The following PDXDC1 variants were observed in gnomAD, a reference collection of about 807,000 sequenced individuals.
PDXDC1 encodes the protein pyridoxal-dependent decarboxylase domain-containing protein 1.
A neutral mutation model predicts 100.1 loss-of-function variants in PDXDC1; 42 were observed. The observed-to-expected ratio is 0.42, with a 90% CI of 0.33 to 0.54. PDXDC1 has a LOEUF of 0.54. Among genes scored for constraint, PDXDC1 ranks in the 20% least tolerant of loss-of-function variants. The pLI, the probability that PDXDC1 is intolerant of heterozygous loss-of-function variation, is 0.10. For missense variants in PDXDC1, 636 were observed against 979.2 expected (o/e 0.65, Z 4.68); for synonymous variants, 260 against 371.7 (o/e 0.70, Z 3.46).
chr16:15,039,826 T>C (rs764595650), downstream of PDXDC1: 274 of 627,052 alleles, frequency 4.4e-4, no homozygotes, highest in Admixed American at 6.7e-4. Context: ...TGGGGAGGGG[T>C]ATATGTATGT....
In PDXDC1 at chr16:15,036,190, C is replaced by G. The variant is rs150037386; in HGVS notation, c.2282C>G (p.Thr761Ser). ...CCAGGGGCTCCCAGCCCTCAGCACA[C>G]CGACCAGACCGAGGCCTTCCAGAAA... ...GHPGAPSPQH[T>S]DQTEAFQKGV... The change falls in exon 23 of 23, where the codon ACC (threonine) becomes AGC (serine). Residue 761 changes from threonine to serine, a missense_variant. By Grantham distance (58) the Thr-to-Ser change is moderately conservative (BLOSUM62 1). Coordinates refer to ENST00000396410, the MANE Select transcript of PDXDC1 (RefSeq NM_015027.4). The G allele has an allele frequency of 6.2e-7, 1 of 1,614,010 alleles. No homozygotes were observed. Among genetic ancestry groups the G allele is most frequent in the African/African-American group, 1.3e-5 (1 of 74,914 alleles).
At chr16:15,137,744 C>T (rs1018689220) in intron 16 of PDXDC1, 29 of 1,433,456 alleles carry the variant, frequency 2.0e-5, no homozygotes, top group African/African-American at 2.0e-4. Flanking sequence ...CCCCACCCAC[C>T]GGCACTCACC....
At chr16:15,056,049 G>A (rs943079880) in intron 16 of PDXDC1, 3 of 571,344 alleles carry the variant, frequency 5.3e-6, no homozygotes, top group African/African-American at 4.0e-5. Context: ...CGCCGCCCCC[G>A]CCCCTCGGGC....
In PDXDC1 at chr16:15,048,831, C is replaced by T. The variant is rs576175156; in HGVS notation, c.1399+18775C>T. 5.3e-5 allele frequency among the ~76,000 whole-genome samples: 8 copies of T among 151,116 alleles called. No homozygotes were observed. In the South Asian group the frequency reaches 1.7e-3, roughly 32 times the overall value. ...TAGCGACGGGGTCTCCCTATGCTCC[C>T]CAGGCTGGTCTCAAACTCCTGGGCT... On this transcript the variant is annotated intron_variant, in intron 16 of 16. Coordinates refer to the PDXDC1 transcript ENST00000535621.
chr16:14,989,377 C>G, intron 1 of PDXDC1: 1 of 1,610,492 alleles, frequency 6.2e-7, no homozygotes, highest in Non-Finnish European at 8.5e-7. Context: ...GCCACCACCA[C>G]CAGGTGCACC....
At chr16:15,149,319 T>G in the PDXDC1 span, among the ~76,000 whole-genome samples, 1 of 152,174 alleles carries the variant, frequency 6.6e-6, no homozygotes, top group Non-Finnish European at 1.5e-5. Flanking sequence ...GCGTGTTTGT[T>G]GAACGCGGGC....
chr16:15,022,525 A>G (rs1223666242), intron 12 of PDXDC1, among the ~76,000 whole-genome samples, 179 bp from the exon 13 acceptor site: 5 of 152,296 alleles, frequency 3.3e-5, no homozygotes, highest in Non-Finnish European at 5.9e-5. Context: ...AACTTGAAGG[A>G]TTGGTGAATA....
chr16:15,042,415 C>T (rs1414982999), downstream of PDXDC1, among the ~76,000 whole-genome samples: 3 of 152,014 alleles, frequency 2.0e-5, no homozygotes, highest in East Asian at 1.9e-4. Flanking sequence ...GTCTCGAACT[C>T]GTGACCTAAA....
At chr16:15,130,527 C>A (rs2047995803) in intron 16 of PDXDC1, 12 of 1,323,498 alleles carry the variant, frequency 9.1e-6, no homozygotes, top group Non-Finnish European at 1.2e-5. Context: ...AGAGCCCATA[C>A]CCGGTCCAGT....
intron 1 of PDXDC1, among the ~76,000 whole-genome samples, chr16:14,980,023 T>A (rs1344848737): frequency 6.6e-6 from 1 of 152,300 alleles, no homozygotes; most frequent in Non-Finnish European, 1.5e-5. Flanking sequence ...TGCATACAGA[T>A]GCATGGTGGC....
intron 16 of PDXDC1, among the ~76,000 whole-genome samples, chr16:15,114,245 C>CT (rs2047163540): frequency 6.9e-6 from 1 of 144,434 alleles, no homozygotes; most frequent in African/African-American, 2.5e-5. Context: ...TGTTGACATT[C>CT]TATTAAACAC....
At chr16:15,146,076 C>T in the PDXDC1 span, among the ~76,000 whole-genome samples, 2 of 152,170 alleles carry the variant, frequency 1.3e-5, no homozygotes, top group Non-Finnish European at 1.5e-5. Context: ...GAGGGGCTTG[C>T]AGATGCGGGA....
At chr16:15,022,129 C>G (rs552272721) in intron 12 of PDXDC1, among the ~76,000 whole-genome samples, 14 of 152,412 alleles carry the variant, frequency 9.2e-5, no homozygotes, top group Admixed American at 4.6e-4. Flanking sequence ...AGACATTAGT[C>G]TAATGACACT....
At chr16:15,027,038 AAAGAATGACCC>A (rs1427887426) in intron 14 of PDXDC1, among the ~76,000 whole-genome samples, 1 of 150,672 alleles carries the variant, frequency 6.6e-6, no homozygotes, top group Admixed American at 6.7e-5. Flanking sequence ...TCTGTATCTT[AAAGAATGACCC>A]AAGTGCCACC....
At chr16:15,102,448 C>A (rs1163615681) in intron 16 of PDXDC1, among the ~76,000 whole-genome samples, 7 of 150,456 alleles carry the variant, frequency 4.7e-5, no homozygotes, top group Non-Finnish European at 8.9e-5. Flanking sequence ...TTGCCCCAGG[C>A]AGAGGGTACA....
intron 1 of PDXDC1, among the ~76,000 whole-genome samples, chr16:14,985,689 C>T (rs1051109471): frequency 1.3e-5 from 2 of 152,292 alleles, no homozygotes; most frequent in Admixed American, 6.5e-5. Context: ...TTTCCTCCAA[C>T]ATTTAAATTG....
At chr16:15,076,386 A>C (rs1250965101) in intron 16 of PDXDC1, 1 of 634,846 alleles carries the variant, frequency 1.6e-6, no homozygotes, top group Non-Finnish European at 2.9e-6. Context: ...TAGACCAACT[A>C]TGCTAAGTGC....
At chr16:15,048,199 C>T (rs142935489) in intron 16 of PDXDC1, 59 of 752,640 alleles carry the variant, frequency 7.8e-5, no homozygotes, top group Non-Finnish European at 1.2e-4. Flanking sequence ...GTGGGCAGCA[C>T]GCTAGTGTGT....
At chr16:15,130,955 C>G in intron 16 of PDXDC1, 1 of 746,190 alleles carries the variant, frequency 1.3e-6, no homozygotes, top group South Asian at 1.6e-5. Context: ...AGCTCCTCTC[C>G]GGCCAGGCCC....
Sources: allele counts gnomAD v4.1 joint callset (sites outside exome capture counted in the v4.1 genomes callset), GRCh38; gene constraint gnomAD v4.1.1; transcripts MANE v1.5; gene names NCBI Gene and HGNC (gene_info 2026-07-23, HGNC 2026-07-21).